The following ITPR3 variants were observed in gnomAD, a reference collection of about 807,000 sequenced individuals.
ITPR3 encodes inositol 1,4,5-trisphosphate-gated calcium channel ITPR3.
A neutral mutation model predicts 293.2 loss-of-function variants in ITPR3; 173 were observed. That is an observed-to-expected ratio of 0.59 (90% confidence interval 0.52 to 0.67). ITPR3 has a LOEUF of 0.67. ITPR3 is among the 30% of genes least tolerant of loss of function. The pLI, the probability that ITPR3 is intolerant of heterozygous loss-of-function variation, is 0.00. For synonymous variants in ITPR3, 1,295 were observed against 1,444.4 expected, an observed-to-expected ratio of 0.90 and a Z score of 2.35; for missense variants, 2,796 against 3,592.1, an observed-to-expected ratio of 0.78 and a Z score of 5.66.
chr6:33,685,081 G>A, intron 39 of ITPR3, 138 bp downstream of exon 39: 4 of 1,049,206 alleles, frequency 3.8e-6, no homozygotes, highest in South Asian at 1.6e-5. Flanking sequence ...GAGGTGAGAA[G>A]AGTGGGCATG....
In ITPR3 at chr6:33,672,437, G is replaced by A. The variant is rs750321429; in HGVS notation, c.2928+209G>A. Among the ~76,000 whole-genome samples, 5 of 152,134 alleles carry A rather than the reference G, an allele frequency of 3.3e-5. No homozygotes were observed. The highest frequency in any genetic ancestry group is 7.2e-5 in the African/African-American group (3 of 41,410). The stretch of plus-strand genomic sequence containing the variant: ...GAGCTTGTTAGAAGTGCACATTCTC[G>A]GTTGTGCGCAGTGACTCACGCCTGT... On this transcript the variant is annotated intron_variant, in intron 22 of 57. Coordinates refer to ENST00000605930, the MANE Select transcript of ITPR3 (RefSeq NM_002224.4). The surrounding 1 kb of genome is among the most constrained non-coding windows in gnomAD (Gnocchi z 5.0).
rs747225971 is a variant in ITPR3, at chr6:33,664,826, C to T, written c.1149-44C>T. On this transcript the variant is annotated intron_variant, in intron 11 of 57. Coordinates refer to ENST00000605930, the MANE Select transcript of ITPR3 (RefSeq NM_002224.4). The surrounding 1 kb of genome is among the most constrained non-coding windows in gnomAD (Gnocchi z 4.4). ...AGGCCGGCAGGCAGCATGACGTGCT[C>T]TGTGGTGCACTCCCCGAGTCCTTTC... The T allele has an allele frequency of 6.4e-7, 1 of 1,561,286 alleles. No homozygotes were observed.
In ITPR3 at chr6:33,683,717, G is replaced by A. The variant is rs1014547889; in HGVS notation, c.4789-303G>A. On this transcript the variant is annotated intron_variant, in intron 35 of 57. Transcript: ENST00000605930. The surrounding 1 kb of genome is among the most constrained non-coding windows in gnomAD (Gnocchi z 4.5). ...GCAGCACATTTCTGTGCGCTGTCTC[G>A]TTGGCCTGTAGAGGGGGTGTGGTGG... Among the ~76,000 whole-genome samples the A allele has an allele frequency of 2.0e-5, 3 of 152,202 alleles. No individual in the cohort carries two copies. The highest frequency in any genetic ancestry group is 4.4e-5 in the Non-Finnish European group (3 of 68,032).
Position 33,667,272 on chromosome 6 carries a change from G to A in ITPR3, c.1695G>A (p.Glu565=), listed in dbSNP as rs1416655858. 1 of 1,612,484 alleles carries A rather than the reference G, an allele frequency of 6.2e-7. No homozygotes were observed. The highest frequency in any genetic ancestry group is 8.5e-7 in the Non-Finnish European group (1 of 1,179,838). Residue 565 remains glutamate, a synonymous_variant, in exon 15 of 58, where the codon GAG becomes GAA. Coordinates refer to ENST00000605930, the MANE Select transcript of ITPR3 (RefSeq NM_002224.4). The surrounding 1 kb of genome is among the most constrained non-coding windows in gnomAD (Gnocchi z 4.4). ...ACCGCGTGTTGCGGCATTCCCAGGAGGACTACCGCAAGAACCAGGTGCGCC... is the reference window on the plus strand; with the variant it reads ...ACCGCGTGTTGCGGCATTCCCAGGAAGACTACCGCAAGAACCAGGTGCGCC... ...LCYRVLRHSQ[E]DYRKNQEHIA... is the part of the protein sequence containing the mutation.
rs760752984 is a variant in ITPR3, at chr6:33,663,026, C to T, written c.954+20C>T. 5.1e-6 allele frequency: 8 copies of T among 1,576,502 alleles called. No individual in the cohort carries two copies. Among genetic ancestry groups the T allele is most frequent in the Non-Finnish European group, 6.9e-6 (8 of 1,158,148 alleles). On this transcript the variant is annotated intron_variant, in intron 9 of 57. Coordinates refer to ENST00000605930, the MANE Select transcript of ITPR3 (RefSeq NM_002224.4). Reference sequence around the variant, plus strand: ...GCTGAGGTGAGCGGGAGGTAGAGGGCATGCTGGGGCTCGTGTGTGCATGTA... The same window carrying T: ...GCTGAGGTGAGCGGGAGGTAGAGGGTATGCTGGGGCTCGTGTGTGCATGTA...
chr6:33,686,443 ACAT>A lies in ITPR3; in HGVS notation c.5909_5911del (p.Ile1970del). The A allele has an allele frequency of 6.2e-7, 1 of 1,614,222 alleles. No individual in the cohort carries two copies. Among genetic ancestry groups the A allele is most frequent in the Non-Finnish European group, 8.5e-7 (1 of 1,180,030 alleles). ...GTGACTCACGAGTCCAATGGCATAG[ACAT>A]CATCACCGCACTGATCCTCAATGAC... is the stretch of plus-strand genomic sequence containing the variant. On this transcript the variant is annotated inframe_deletion, in exon 43 of 58. Transcript: ENST00000605930.
intron 2 of ITPR3, among the ~76,000 whole-genome samples, chr6:33,653,784 C>T (rs1186985891): frequency 1.3e-5 from 2 of 152,200 alleles, no homozygotes; most frequent in African/African-American, 2.4e-5. Context: ...ACCCAAATCA[C>T]TCCCTGCCCA....
chr6:33,672,062 G>T lies in ITPR3; in HGVS notation c.2762G>T (p.Gly921Val). The change falls in exon 22 of 58, where the codon GGG becomes GTG. Residue 921 changes from glycine to valine, a missense_variant. Around this residue, in one of 8 missense-constraint regions of ITPR3, gnomAD observed 955 missense variants for 1,180.8 expected, o/e 0.81. Transcript: ENST00000605930. This position sits in a 1 kb window ranked among gnomAD's most constrained non-coding sequence, Gnocchi z 5.0. ...GTGCGGCGGTCCATCCAGGGCGTGG[G>T]GCACATGATGTCCACCATGGTGCTG... Reference protein sequence around the residue: ...KNVRRSIQGVGHMMSTMVLSR... With the variant: ...KNVRRSIQGVVHMMSTMVLSR... 6.2e-7 allele frequency: 1 copy of T among 1,612,446 alleles called. No individual in the cohort carries two copies. Among genetic ancestry groups the T allele is most frequent in the Non-Finnish European group, 8.5e-7 (1 of 1,179,088 alleles).
At chr6:33,656,601 C>A (rs1353834711) in intron 3 of ITPR3, among the ~76,000 whole-genome samples, 1 of 152,166 alleles carries the variant, frequency 6.6e-6, no homozygotes, top group African/African-American at 2.4e-5. Context: ...ACATGTGGAT[C>A]GTGCCATGAT....
In ITPR3 at chr6:33,665,145, C is replaced by T. The variant is rs138821995; in HGVS notation, c.1341C>T (p.Asp447=). The T allele has an allele frequency of 3.6e-3, 5,785 of 1,614,194 alleles. 16 individuals are homozygous for T. Among genetic ancestry groups the T allele is most frequent in the Non-Finnish European group, 4.6e-3 (5,394 of 1,180,040 alleles). Residue 447 remains aspartate, a synonymous_variant, in exon 13 of 58, where the codon GAC becomes GAT. Coordinates refer to ENST00000605930, the MANE Select transcript of ITPR3 (RefSeq NM_002224.4). The stretch of plus-strand genomic sequence containing the variant: ...TCCGAGACCTGGACTTTGCCAATGA[C>T]GCCAGCTCCATGCTGGCCAGTGCCG... ...SEIRDLDFAN[D]ASSMLASAVE... is the part of the protein sequence containing the mutation.
chr6:33,637,777 G>A (rs1207616375), intron 1 of ITPR3, among the ~76,000 whole-genome samples: 2 of 150,834 alleles, frequency 1.3e-5, no homozygotes, highest in Non-Finnish European at 1.5e-5. Flanking sequence ...ACAAGAGTGC[G>A]TGTGCCACCA....
intron 1 of ITPR3, among the ~76,000 whole-genome samples, chr6:33,629,638 G>A (rs1977316): frequency 0.86 from 130,347 of 151,908 alleles, 56,011 homozygotes; most frequent in East Asian, 0.96. Context: ...CAGCCACCAC[G>A]CCCAGCTAAT....
At chr6:33,685,242 C>T (rs1765193138) in intron 39 of ITPR3, 117 bp from the exon 40 acceptor site, 2 of 1,062,840 alleles carry the variant, frequency 1.9e-6, no homozygotes, top group African/African-American at 3.2e-5. Flanking sequence ...GCACCCAGGC[C>T]TGCAGCCAGG....
chr6:33,623,323 TTTG>T (rs1433636200), intron 1 of ITPR3, among the ~76,000 whole-genome samples: 8 of 136,646 alleles, frequency 5.9e-5, no homozygotes, highest in African/African-American at 1.9e-4. Flanking sequence ...GCCTGTGAGT[TTTG>T]TTTTTTTTTT....
At chr6:33,659,612 T>C in intron 7 of ITPR3, 63 bp downstream of exon 7, 1 of 1,396,238 alleles carries the variant, frequency 7.2e-7, no homozygotes, top group East Asian at 2.3e-5. Flanking sequence ...CAGGGCCCTC[T>C]TCCTGCCTTC....
intron 33 of ITPR3, 63 bp downstream of exon 33, chr6:33,680,743 G>A: frequency 1.3e-6 from 2 of 1,557,928 alleles, no homozygotes; most frequent in African/African-American, 1.4e-5. Flanking sequence ...AGGGAAGGGG[G>A]GAAATAAGAA....
intron 2 of ITPR3, among the ~76,000 whole-genome samples, chr6:33,646,376 C>G (rs1438281328): frequency 4.5e-5 from 5 of 112,076 alleles, no homozygotes; most frequent in Non-Finnish European, 8.6e-5. Flanking sequence ...ACCCCCCACC[C>G]CCTCCACCAC....
rs548496432 is a variant in ITPR3, at chr6:33,638,251, G to A, written c.90-2233G>A. 3.3e-5 allele frequency among the ~76,000 whole-genome samples: 5 copies of A among 152,190 alleles called. No homozygotes were observed. In the East Asian group the frequency reaches 9.6e-4, roughly 29 times the overall value. ...GAACTCCTGACTTAATGATCCACCC[G>A]CCTCAGCCTCCCAAAGTGCAGGGAT... On this transcript the variant is annotated intron_variant, in intron 1 of 57. Transcript: ENST00000605930. This position sits in a 1 kb window ranked among gnomAD's most constrained non-coding sequence, Gnocchi z 4.3.
intron 1 of ITPR3, among the ~76,000 whole-genome samples, chr6:33,623,748 GC>G (rs986591750): frequency 1.3e-5 from 2 of 152,058 alleles, no homozygotes; most frequent in African/African-American, 4.8e-5. Context: ...GGCCCTTCCT[GC>G]CCCAGGAACT....
Sources: allele counts gnomAD v4.1 joint callset (sites outside exome capture counted in the v4.1 genomes callset), GRCh38; gene constraint gnomAD v4.1.1; regional missense constraint gnomAD v4.1.1; non-coding constraint Gnocchi (gnomAD v3.1); transcripts MANE v1.5; gene names NCBI Gene and HGNC (gene_info 2026-07-23, HGNC 2026-07-21).